TEKT5: variants seen among roughly 807,000 people sequenced by gnomAD.
TEKT5 encodes the protein tektin-5.
A neutral mutation model predicts 48.7 loss-of-function variants in TEKT5; 52 were observed. The observed-to-expected ratio is 1.07, with a 90% CI of 0.86 to 1.35. The LOEUF (loss-of-function observed/expected upper bound fraction) is 1.35, where lower values mean the gene tolerates loss of function less well. Among genes scored for constraint, TEKT5 ranks in the 40% most tolerant of loss-of-function variants. The probability of loss-of-function intolerance (pLI) is 0.00; values close to 1 mark genes in which losing one functional copy is unlikely to be tolerated. For missense variants in TEKT5, 831 were observed against 641.6 expected, an observed-to-expected ratio of 1.30 and a Z score of -3.19; for synonymous variants, 318 against 267.6, an observed-to-expected ratio of 1.19 and a Z score of -1.84.
chr16:10,673,444 C>A (rs1898584482), intron 5 of TEKT5, among the ~76,000 whole-genome samples: 1 of 152,092 alleles, frequency 6.6e-6, no homozygotes, highest in Non-Finnish European at 1.5e-5. Flanking sequence ...AGTTTGCCAA[C>A]CCTGTCCTAG....
In TEKT5 at chr16:10,676,088, C is replaced by T. The variant is rs1898639945; in HGVS notation, c.957G>A (p.Glu319=). 3.1e-6 allele frequency: 5 copies of T among 1,614,130 alleles called. No individual in the cohort carries two copies. The South Asian group carries it at 4.4e-5, about 14-fold the overall frequency. The stretch of plus-strand genomic sequence containing the variant: ...ACAAGGTCTCAAAGAGGTGCTCCGC[C>T]TCCTCCCGCAGCTGGATGGAGTTGG... ...MRANSIQLRE[E]AEHLFETLSD... Residue 319 remains glutamate (E), a synonymous_variant, in exon 5 of 7, where the codon GAG becomes GAA. Transcript: ENST00000283025.
intron 5 of TEKT5, among the ~76,000 whole-genome samples, chr16:10,642,167 G>A (rs956518998): frequency 6.6e-6 from 1 of 152,174 alleles, no homozygotes; most frequent in African/African-American, 2.4e-5. Context: ...TTTGATATCT[G>A]AGGCCTTGCT....
chr16:10,666,545 C>T (rs1254926091), intron 5 of TEKT5, among the ~76,000 whole-genome samples: 1 of 152,334 alleles, frequency 6.6e-6, no homozygotes, highest in East Asian at 1.9e-4. Context: ...CAAGTGTCCT[C>T]TGGGGGACAC....
intron 3 of TEKT5, among the ~76,000 whole-genome samples, chr16:10,684,810 A>G (rs955617253): frequency 1.3e-5 from 2 of 152,112 alleles, no homozygotes; most frequent in Non-Finnish European, 2.9e-5. Context: ...CTGTCAGCCC[A>G]CCAGGAAAAG....
At chr16:10,634,492 A>C (rs1436469249) in intron 6 of TEKT5, among the ~76,000 whole-genome samples, 1 of 152,196 alleles carries the variant, frequency 6.6e-6, no homozygotes, top group Admixed American at 6.5e-5. Context: ...GGCCAGACTC[A>C]GTCTCTTCCC....
chr16:10,692,493 C>G (rs1898997240), intron 1 of TEKT5: 1 of 152,302 alleles, frequency 6.6e-6, no homozygotes, highest in Admixed American at 6.5e-5. Flanking sequence ...TCATCTTCCT[C>G]TGTGGCCAAA....
rs2719717 is a variant in TEKT5, at chr16:10,680,701, C to T, written c.863+1292G>A. ...GCCATAAAAAATGATGAGTTCATGT[C>T]CTTTGTAGGGACATGGATGAAATTG... On this transcript the variant is annotated intron_variant, in intron 4 of 6. Coordinates refer to ENST00000283025, the MANE Select transcript of TEKT5 (RefSeq NM_144674.2). 1.5e-3 allele frequency among the ~76,000 whole-genome samples: 231 copies of T among 151,478 alleles called. 1 individual carries two copies. The highest frequency in any genetic ancestry group is 5.4e-3 in the African/African-American group (223 of 41,272).
At chr16:10,674,509 C>T (rs1898607524) in intron 5 of TEKT5, among the ~76,000 whole-genome samples, 1 of 149,534 alleles carries the variant, frequency 6.7e-6, no homozygotes, top group Non-Finnish European at 1.5e-5. Flanking sequence ...GTGGCACGCA[C>T]ACGTAGTCTC....
At chr16:10,666,419 TG>T (rs1363735200) in intron 5 of TEKT5, among the ~76,000 whole-genome samples, 1 of 152,170 alleles carries the variant, frequency 6.6e-6, no homozygotes, top group South Asian at 2.1e-4. Flanking sequence ...TTCTTTGCTG[TG>T]GGGGGCTGCC....
chr16:10,687,893 G>C (rs1194247586), intron 3 of TEKT5, among the ~76,000 whole-genome samples: 1 of 152,172 alleles, frequency 6.6e-6, no homozygotes, highest in East Asian at 1.9e-4. Flanking sequence ...GAGATATTTT[G>C]ATACAGGCAT....
intron 5 of TEKT5, among the ~76,000 whole-genome samples, chr16:10,647,342 C>T (rs886328255): frequency 6.6e-6 from 1 of 151,750 alleles, no homozygotes; most frequent in Non-Finnish European, 1.5e-5. Flanking sequence ...CGTGGTGGTG[C>T]ACACCGGCGG....
chr16:10,644,019 G>A (rs1898033519), intron 5 of TEKT5, among the ~76,000 whole-genome samples: 1 of 152,122 alleles, frequency 6.6e-6, no homozygotes, highest in African/African-American at 2.4e-5. Flanking sequence ...TCCAGACTGG[G>A]CAACAAGAGC....
chr16:10,675,950 T>C lies in TEKT5; in HGVS notation c.1086+9A>G, dbSNP rs779848237. On this transcript the variant is annotated intron_variant, in intron 5 of 6. Coordinates refer to ENST00000283025, the MANE Select transcript of TEKT5 (RefSeq NM_144674.2). ...AGAGAAGGCAGGGGTCCTGGGAGGATCTGCTCACCTTCGCCAGCTGCGTCT... is the reference window on the plus strand; with the variant it reads ...AGAGAAGGCAGGGGTCCTGGGAGGACCTGCTCACCTTCGCCAGCTGCGTCT... 6.2e-7 allele frequency: 1 copy of C among 1,613,856 alleles called. No individual in the cohort carries two copies. Among genetic ancestry groups the C allele is most frequent in the Non-Finnish European group, 8.5e-7 (1 of 1,179,866 alleles).
intron 5 of TEKT5, among the ~76,000 whole-genome samples, chr16:10,637,758 C>T (rs866193040): frequency 1.1e-4 from 16 of 152,320 alleles, no homozygotes; most frequent in Middle Eastern, 3.4e-3. Flanking sequence ...AAGTCAAATA[C>T]AAGACGCGAG....
intron 6 of TEKT5, among the ~76,000 whole-genome samples, chr16:10,634,306 G>C (rs1897882341): frequency 6.6e-6 from 1 of 152,160 alleles, no homozygotes; most frequent in Non-Finnish European, 1.5e-5. Context: ...CTGTAGGCTA[G>C]GGCTGAAATA....
At chr16:10,676,721 T>C (rs1898653458) in intron 4 of TEKT5, among the ~76,000 whole-genome samples, 1 of 152,196 alleles carries the variant, frequency 6.6e-6, no homozygotes, top group African/African-American at 2.4e-5. Flanking sequence ...CATTCATTCA[T>C]GGAATATTTC....
chr16:10,665,963 G>A (rs1305169084), intron 5 of TEKT5, among the ~76,000 whole-genome samples: 3 of 152,196 alleles, frequency 2.0e-5, no homozygotes, highest in Admixed American at 2.0e-4. Context: ...CAACAGAACA[G>A]GGGCTGGGCG....
chr16:10,670,875 T>G (rs903309095), intron 5 of TEKT5, among the ~76,000 whole-genome samples: 2 of 151,762 alleles, frequency 1.3e-5, no homozygotes, highest in Non-Finnish European at 2.9e-5. Flanking sequence ...ATTTATTTAT[T>G]TATGTATTTA....
intron 3 of TEKT5, among the ~76,000 whole-genome samples, chr16:10,683,945 C>T (rs183797638): frequency 1.3e-5 from 2 of 152,194 alleles, no homozygotes; most frequent in East Asian, 3.8e-4. Flanking sequence ...AAATTTACAT[C>T]CCTGTCTTTA....
Sources: allele counts gnomAD v4.1 joint callset (sites outside exome capture counted in the v4.1 genomes callset), GRCh38; gene constraint gnomAD v4.1.1; transcripts MANE v1.5; gene names NCBI Gene and HGNC (gene_info 2026-07-23, HGNC 2026-07-21).